The following SSBP2 variants were observed in gnomAD, a reference collection of about 807,000 sequenced individuals.
SSBP2 encodes the protein single stranded DNA binding protein 2.
In SSBP2, 17 loss-of-function variants were observed where a neutral mutation model predicts 61.8. That is an observed-to-expected ratio of 0.28 (90% confidence interval 0.19 to 0.41). The LOEUF (loss-of-function observed/expected upper bound fraction) is 0.41. SSBP2 is among the 10% of genes least tolerant of loss of function. The probability of loss-of-function intolerance (pLI) is 1.00; values close to 1 mark genes in which losing one functional copy is unlikely to be tolerated. For missense variants in SSBP2, 310 were observed against 458.7 expected (o/e 0.68, Z 2.96); for synonymous variants, 139 against 141.3 (o/e 0.98, Z 0.12).
intron 4 of SSBP2, among the ~76,000 whole-genome samples, chr5:81,600,300 C>T (rs572230664): frequency 2.0e-5 from 3 of 152,048 alleles, no homozygotes; most frequent in African/African-American, 4.8e-5. Context: ...TGGTAGCTCA[C>T]GCCTGTAATC....
At chr5:81,615,373 G>A (rs984674893) in intron 4 of SSBP2, 100 bp downstream of exon 4, 4 of 878,154 alleles carry the variant, frequency 4.6e-6, no homozygotes, top group Non-Finnish European at 7.4e-6. Context: ...AATTTCTTAA[G>A]TACCAAAACA....
chr5:81,522,925 G>T (rs1286713889), intron 4 of SSBP2, among the ~76,000 whole-genome samples: 1 of 151,960 alleles, frequency 6.6e-6, no homozygotes, highest in Non-Finnish European at 1.5e-5. Context: ...AAGAGCAAGA[G>T]AGAGACCCAG....
intron 9 of SSBP2, among the ~76,000 whole-genome samples, chr5:81,463,195 C>CT (rs1262531441): frequency 1.3e-4 from 19 of 151,920 alleles, no homozygotes; most frequent in African/African-American, 4.6e-4. Context: ...TTTGAAAATA[C>CT]TTTAAGTTTC....
At chr5:81,587,794 A>C (rs1259604506) in intron 4 of SSBP2, among the ~76,000 whole-genome samples, 1 of 151,534 alleles carries the variant, frequency 6.6e-6, no homozygotes, top group Non-Finnish European at 1.5e-5. Context: ...CTAATGCTTG[A>C]AACAGAATAA....
chr5:81,562,193 A>G lies in SSBP2; in HGVS notation c.283-48476T>C, dbSNP rs570062330. ...AGTGCTGGGATTACAGGCTTGAGCC[A>G]CCGCCCCCGGCCAAGACCTTTTTAT... On this transcript the variant is annotated intron_variant, in intron 4 of 16. Transcript: ENST00000320672. Among the ~76,000 whole-genome samples, 3 of 152,220 alleles carry G rather than the reference A, an allele frequency of 2.0e-5. No homozygotes were observed. In the South Asian group the frequency reaches 6.2e-4, roughly 32 times the overall value.
At chr5:81,693,475 T>C (rs1365972490) in intron 1 of SSBP2, among the ~76,000 whole-genome samples, 1 of 152,032 alleles carries the variant, frequency 6.6e-6, no homozygotes, top group Non-Finnish European at 1.5e-5. Context: ...CAAACAGCTG[T>C]ACAGAAAAAT....
chr5:81,465,289 TAAATA>T (rs1299150024), intron 9 of SSBP2, among the ~76,000 whole-genome samples: 1 of 151,952 alleles, frequency 6.6e-6, no homozygotes, highest in Non-Finnish European at 1.5e-5. Context: ...GGATTAAACT[TAAATA>T]AGACACCCAA....
intron 4 of SSBP2, among the ~76,000 whole-genome samples, chr5:81,547,619 A>G (rs1310816779): frequency 6.6e-6 from 1 of 152,084 alleles, no homozygotes; most frequent in Admixed American, 6.6e-5. Context: ...AGCACATGCC[A>G]CCATGTCTAG....
chr5:81,659,384 A>C (rs1054477333), intron 1 of SSBP2, among the ~76,000 whole-genome samples: 23 of 152,332 alleles, frequency 1.5e-4, no homozygotes, highest in Non-Finnish European at 3.2e-4. Context: ...AGACAAGTAG[A>C]GAGCCAAATC....
chr5:81,625,317 G>A (rs1747037867), intron 3 of SSBP2, among the ~76,000 whole-genome samples: 1 of 152,072 alleles, frequency 6.6e-6, no homozygotes, highest in Non-Finnish European at 1.5e-5. Flanking sequence ...AGAGGGCCAA[G>A]CTCAGAAAAT....
chr5:81,557,947 A>G (rs889210261), intron 4 of SSBP2, among the ~76,000 whole-genome samples: 2 of 152,262 alleles, frequency 1.3e-5, no homozygotes, highest in African/African-American at 4.8e-5. Flanking sequence ...TTCTATATAT[A>G]TTCTTGAGCT....
intron 4 of SSBP2, among the ~76,000 whole-genome samples, chr5:81,558,349 A>G (rs942046854): frequency 6.6e-6 from 1 of 152,198 alleles, no homozygotes; most frequent in Admixed American, 6.5e-5. Context: ...GTCCAAGATC[A>G]AGGTGCTGGC....
chr5:81,594,103 C>T (rs541530295), intron 4 of SSBP2, among the ~76,000 whole-genome samples: 203 of 152,162 alleles, frequency 1.3e-3, no homozygotes, highest in Non-Finnish European at 2.5e-3. Flanking sequence ...ACCCATCTCA[C>T]GTGAAGAGAC....
At chr5:81,654,948 G>C (rs758429204) in intron 1 of SSBP2, among the ~76,000 whole-genome samples, 1 of 151,732 alleles carries the variant, frequency 6.6e-6, no homozygotes, top group Non-Finnish European at 1.5e-5. Flanking sequence ...ACCAGCCTGG[G>C]CAACACAGCA....
At chr5:81,720,509 A>G (rs764606645) in intron 1 of SSBP2, among the ~76,000 whole-genome samples, 99 of 152,322 alleles carry the variant, frequency 6.5e-4, no homozygotes, top group Non-Finnish European at 1.0e-3. Flanking sequence ...TAAGCTTTTC[A>G]AGTTATACTA....
At chr5:81,547,150 A>G (rs1771799263) in intron 4 of SSBP2, among the ~76,000 whole-genome samples, 1 of 151,910 alleles carries the variant, frequency 6.6e-6, no homozygotes, top group Non-Finnish European at 1.5e-5. Context: ...GAACTCATCC[A>G]TTGCTGGCGG....
chr5:81,553,282 C>T (rs6891181), intron 4 of SSBP2, among the ~76,000 whole-genome samples: 71,048 of 152,040 alleles, frequency 0.47, 21,162 homozygotes, highest in African/African-American at 0.86. Context: ...TTTCTCTAGA[C>T]AAGTTAAATA....
chr5:81,421,527 G>C (rs1429900222), intron 16 of SSBP2, among the ~76,000 whole-genome samples: 1 of 152,092 alleles, frequency 6.6e-6, no homozygotes, highest in Non-Finnish European at 1.5e-5. Flanking sequence ...ATTTTTGCAC[G>C]TGAGTAGGAA....
intron 4 of SSBP2, among the ~76,000 whole-genome samples, chr5:81,545,395 T>TA (rs1054275474): frequency 6.6e-6 from 1 of 152,078 alleles, no homozygotes; most frequent in Admixed American, 6.6e-5. Flanking sequence ...CCTTGACTAA[T>TA]AAAAAACATA....
Sources: allele counts gnomAD v4.1 joint callset (sites outside exome capture counted in the v4.1 genomes callset), GRCh38; gene constraint gnomAD v4.1.1; transcripts MANE v1.5; gene names NCBI Gene and HGNC (gene_info 2026-07-23, HGNC 2026-07-21).